The following CAB39L variants were observed in gnomAD, a reference collection of about 807,000 sequenced individuals.
The protein encoded by CAB39L is calcium-binding protein 39-like.
Under a neutral mutation model 39.1 loss-of-function variants are expected in CAB39L, and 23 were observed. That is an observed-to-expected ratio of 0.59 (90% CI 0.42 to 0.83). CAB39L has a LOEUF of 0.83. Ranked by LOEUF, CAB39L falls within the 40% of genes least tolerant of loss-of-function variation. The probability of loss-of-function intolerance (pLI) is 0.00; values close to 1 mark genes in which losing one functional copy is unlikely to be tolerated. For synonymous variants in CAB39L, 126 were observed against 137.2 expected (o/e 0.92, Z 0.57); for missense variants, 366 against 391.9 (o/e 0.93, Z 0.56).
intron 3 of CAB39L, among the ~76,000 whole-genome samples, chr13:49,428,309 G>C (rs556165743): frequency 6.6e-6 from 1 of 152,322 alleles, no homozygotes; most frequent in East Asian, 1.9e-4. Flanking sequence ...AGAGGCTTTG[G>C]TTCTTTGCTG....
intron 1 of CAB39L, 116 bp from the exon 2 acceptor site, chr13:49,434,339 C>A (rs968797977): frequency 1.1e-5 from 4 of 359,070 alleles, no homozygotes; most frequent in African/African-American, 4.3e-5. Context: ...TCTCTCTGAA[C>A]CTAGTGGGAA....
intron 3 of CAB39L, among the ~76,000 whole-genome samples, chr13:49,425,735 C>A (rs1174949829): frequency 1.3e-5 from 2 of 152,108 alleles, no homozygotes; most frequent in Non-Finnish European, 2.9e-5. Flanking sequence ...GAGGGAAATG[C>A]AAAGTACATA....
At chr13:49,442,429 A>AT (rs1483598657) in intron 1 of CAB39L, among the ~76,000 whole-genome samples, 1 of 152,166 alleles carries the variant, frequency 6.6e-6, no homozygotes, top group Non-Finnish European at 1.5e-5. Flanking sequence ...TTCTCCATGC[A>AT]TTTTGACAAG....
At position 49,377,482 on chromosome 13, in the gene CAB39L, G is replaced by T. The variant is rs1420989722; in HGVS notation, c.112-351C>A. Among the ~76,000 whole-genome samples the T allele has an allele frequency of 2.2e-5, 2 of 92,226 alleles. 1 individual carries two copies. Among genetic ancestry groups the T allele is most frequent in the Admixed American group, 1.9e-4 (2 of 10,546 alleles). 60.5% of individuals were successfully genotyped at this position (92,226 alleles called of 152,430 possible). On this transcript the variant is annotated intron_variant, in intron 4 of 10. Coordinates refer to ENST00000409308, the MANE Select transcript of CAB39L (RefSeq NM_001079670.3). ...AGCTGGACTGTACTGCTGCCATCTCGGCTCACTGCAACCTCCCTGCCTGAT... is the reference window on the plus strand; with the variant it reads ...AGCTGGACTGTACTGCTGCCATCTCTGCTCACTGCAACCTCCCTGCCTGAT...
At chr13:49,376,661 A>C (rs889711167) in intron 5 of CAB39L, among the ~76,000 whole-genome samples, 9 of 152,216 alleles carry the variant, frequency 5.9e-5, no homozygotes, top group South Asian at 4.1e-4. Flanking sequence ...TAGTTTTAAG[A>C]ATTCAACGAG....
At chr13:49,387,655 C>T (rs1956394968) in intron 3 of CAB39L, among the ~76,000 whole-genome samples, 1 of 149,284 alleles carries the variant, frequency 6.7e-6, no homozygotes, top group Non-Finnish European at 1.5e-5. Context: ...AAATAAATGC[C>T]CTGCAGACTT....
intron 3 of CAB39L, among the ~76,000 whole-genome samples, chr13:49,426,512 C>A (rs954301277): frequency 6.6e-6 from 1 of 152,080 alleles, no homozygotes; most frequent in African/African-American, 2.4e-5. Context: ...CTGCAAGCTC[C>A]GCCTCCCGGG....
chr13:49,389,418 A>C (rs1437175665), intron 3 of CAB39L, among the ~76,000 whole-genome samples: 2 of 152,174 alleles, frequency 1.3e-5, no homozygotes, highest in African/African-American at 4.8e-5. Flanking sequence ...AGATGGGTGG[A>C]TCACTTGAGT....
intron 8 of CAB39L, among the ~76,000 whole-genome samples, chr13:49,343,039 T>C (rs1270655298): frequency 6.6e-6 from 1 of 152,224 alleles, no homozygotes; most frequent in Non-Finnish European, 1.5e-5. Context: ...CTCTCATTTC[T>C]GGCTGGCATT....
chr13:49,354,523 C>T (rs1424168661), intron 6 of CAB39L, among the ~76,000 whole-genome samples: 1 of 152,200 alleles, frequency 6.6e-6, no homozygotes, highest in Non-Finnish European at 1.5e-5. Context: ...TGTATCCCAC[C>T]TAATCTATTC....
At chr13:49,394,092 T>C in intron 3 of CAB39L, among the ~76,000 whole-genome samples, 1 of 151,788 alleles carries the variant, frequency 6.6e-6, no homozygotes, top group Non-Finnish European at 1.5e-5. Flanking sequence ...AACACAAAAA[T>C]TTGAATTTCT....
intron 3 of CAB39L, chr13:49,420,222 C>T (rs1045410212): frequency 6.6e-6 from 1 of 152,124 alleles, no homozygotes; most frequent in Non-Finnish European, 1.5e-5. Flanking sequence ...GACAAGTAGG[C>T]TAACATATAG....
intron 3 of CAB39L, among the ~76,000 whole-genome samples, chr13:49,394,783 C>A (rs1956570979): frequency 1.3e-5 from 2 of 152,130 alleles, no homozygotes; most frequent in Admixed American, 1.3e-4. Flanking sequence ...CTTACACTAA[C>A]AGGCAGATTC....
At chr13:49,433,581 T>C (rs940382616) in intron 2 of CAB39L, among the ~76,000 whole-genome samples, 188 bp from the exon 3 acceptor site, 5 of 152,264 alleles carry the variant, frequency 3.3e-5, no homozygotes, top group Admixed American at 6.5e-5. Context: ...TTTCAAACAG[T>C]AGTATTGAAC....
chr13:49,402,291 CTG>C (rs1282249694), intron 3 of CAB39L, among the ~76,000 whole-genome samples: 1 of 152,146 alleles, frequency 6.6e-6, no homozygotes, highest in Non-Finnish European at 1.5e-5. Flanking sequence ...ACGAAACTCT[CTG>C]TAAGGTTTGG....
Position 49,434,089 on chromosome 13 carries a change from T to G in CAB39L, c.-111A>C. The G allele has an allele frequency of 4.5e-6, 2 of 448,858 alleles. No individual in the cohort carries two copies. The highest frequency in any genetic ancestry group is 3.2e-5 in the South Asian group (2 of 62,858). 27.8% of individuals were successfully genotyped at this position (448,858 alleles called of 1,614,324 possible). A position where few individuals can be genotyped will look rare whatever the true frequency, so the allele number is the denominator to read the frequency against. On this transcript the variant is annotated 5_prime_UTR_variant, in exon 2 of 11. Coordinates refer to ENST00000409308, the MANE Select transcript of CAB39L (RefSeq NM_001079670.3). ...TCAGAAATAAGAGAAAACTTACGCTTCTCTCCTTTAGTGCATTGCTCTTGC... is the reference window on the plus strand; with the variant it reads ...TCAGAAATAAGAGAAAACTTACGCTGCTCTCCTTTAGTGCATTGCTCTTGC...
At chr13:49,339,642 T>C (rs2138422895) in intron 9 of CAB39L, 35 bp downstream of exon 9, 1 of 1,530,070 alleles carries the variant, frequency 6.5e-7, no homozygotes, top group South Asian at 1.3e-5. Flanking sequence ...GATATAAACT[T>C]ACGGGGACAC....
At chr13:49,396,647 G>A (rs970046979) in intron 3 of CAB39L, among the ~76,000 whole-genome samples, 54 of 152,234 alleles carry the variant, frequency 3.5e-4, no homozygotes, top group African/African-American at 1.1e-3. Flanking sequence ...GGCGGAGGTT[G>A]CAGTGAGCCA....
chr13:49,430,903 A>G (rs1330762920), intron 3 of CAB39L, among the ~76,000 whole-genome samples: 1 of 152,258 alleles, frequency 6.6e-6, no homozygotes, highest in African/African-American at 2.4e-5. Flanking sequence ...TAATAGTCAT[A>G]TAATCCAAAT....
Sources: allele counts gnomAD v4.1 joint callset (sites outside exome capture counted in the v4.1 genomes callset), GRCh38; gene constraint gnomAD v4.1.1; transcripts MANE v1.5; gene names NCBI Gene and HGNC (gene_info 2026-07-23, HGNC 2026-07-21).